The following GSS variants were observed in gnomAD, a reference collection of about 807,000 sequenced individuals.
GSS encodes the protein glutathione synthetase, also known as GSH synthetase.
In GSS, 34 loss-of-function variants were observed where a neutral mutation model predicts 60.4. The ratio of observed to expected loss-of-function variants is 0.56; its 90% CI spans 0.43 to 0.75. GSS has a LOEUF of 0.75. Ranked by LOEUF, GSS falls within the 30% of genes least tolerant of loss-of-function variation. The pLI, the probability that GSS is intolerant of heterozygous loss-of-function variation, is 0.00. For synonymous variants in GSS, 224 were observed against 239.0 expected (o/e 0.94, Z 0.58); for missense variants, 499 against 595.1 (o/e 0.84, Z 1.68).
chr20:34,949,315 T>C (rs2081547833), intron 2 of GSS: 1 of 152,136 alleles, frequency 6.6e-6, no homozygotes, highest in Non-Finnish European at 1.5e-5. Flanking sequence ...AAGTTCATAC[T>C]CCTCCTCCAC....
Position 34,951,793 on chromosome 20 carries a change from C to T in GSS, c.60G>A (p.Arg20=). Residue 20 remains arginine, a synonymous_variant, in exon 2 of 13, where the codon CGG becomes CGA. Coordinates refer to ENST00000651619, the MANE Select transcript of GSS (RefSeq NM_000178.4). ...CAGCCAGGGCCCGGTCCACGGCCTG[C>T]CGTGCCAGCTCCTCTAGCTGCTGTT... ...QDKQQLEELA[R]QAVDRALAEG... 6.2e-7 allele frequency: 1 copy of T among 1,614,056 alleles called. No individual in the cohort carries two copies. Among genetic ancestry groups the T allele is most frequent in the South Asian group, 1.1e-5 (1 of 91,030 alleles).
At chr20:34,955,889 C>G (rs2081626805), upstream of GSS, 1 of 152,292 alleles carries the variant, frequency 6.6e-6, no homozygotes, top group African/African-American at 2.4e-5. Context: ...TGAGTCGAGG[C>G]CAGGAAGGGG....
intron 2 of GSS, among the ~76,000 whole-genome samples, chr20:34,947,021 T>A (rs908490330): frequency 5.9e-5 from 9 of 152,196 alleles, no homozygotes; most frequent in African/African-American, 2.2e-4. Context: ...TGAGTTAATA[T>A]CAGTTTGTCA....
chr20:34,951,969 G>T, intron 1 of GSS, 109 bp from the exon 2 acceptor site: 2 of 1,110,430 alleles, frequency 1.8e-6, no homozygotes, highest in Non-Finnish European at 2.7e-6. Flanking sequence ...ACCTCTGTTG[G>T]AAGGGAACAG....
intron 1 of GSS, among the ~76,000 whole-genome samples, chr20:34,953,375 T>C (rs913129434): frequency 1.2e-4 from 19 of 152,098 alleles, no homozygotes; most frequent in Non-Finnish European, 2.6e-4. Flanking sequence ...AGAATGCGCA[T>C]GTGATCTCAA....
chr20:34,942,272 G>A (rs141127743), intron 5 of GSS, among the ~76,000 whole-genome samples: 3 of 152,296 alleles, frequency 2.0e-5, no homozygotes, highest in African/African-American at 7.2e-5. Flanking sequence ...GTACAATGGA[G>A]GGACAGGACT....
intron 3 of GSS, among the ~76,000 whole-genome samples, chr20:34,943,575 T>C (rs1246557109): frequency 6.6e-6 from 1 of 152,190 alleles, no homozygotes; most frequent in Non-Finnish European, 1.5e-5. Flanking sequence ...CTAAATATCC[T>C]GGGTTTTTTT....
At chr20:34,941,612 T>C in intron 6 of GSS, 101 bp downstream of exon 6, 9 of 766,316 alleles carry the variant, frequency 1.2e-5, no homozygotes, top group Non-Finnish European at 2.4e-6. Flanking sequence ...CCTAGAAAAA[T>C]CCCCTTATTC....
chr20:34,935,583 C>G lies in GSS; in HGVS notation c.827G>C (p.Ser276Thr), dbSNP rs1487588611. Residue 276 changes from serine to threonine, a missense_variant, in exon 9 of 13, where the codon AGT becomes ACT. By Grantham distance (58) the Ser-to-Thr change is moderately conservative. Transcript: ENST00000651619. ...CTCACAGAAAATACCAACCTGTAGA[C>G]TGTACTGACGAGGCATGTAGCCATC... ...FRDGYMPRQY[S>T]LQNWEARLLL... is the part of the protein sequence containing the mutation. 1 of 1,610,738 alleles carries G rather than the reference C, an allele frequency of 6.2e-7. No homozygotes were observed. Among genetic ancestry groups the G allele is most frequent in the Non-Finnish European group, 8.5e-7 (1 of 1,177,080 alleles).
At chr20:34,929,314 T>C (rs779868910) in intron 12 of GSS, 87 bp downstream of exon 12, 10 of 1,121,254 alleles carry the variant, frequency 8.9e-6, no homozygotes, top group African/African-American at 3.0e-5. Context: ...GATTCCTGAC[T>C]CTTTCCAGTG....
intron 6 of GSS, among the ~76,000 whole-genome samples, chr20:34,939,388 G>C (rs970381287): frequency 3.9e-5 from 6 of 152,106 alleles, no homozygotes; most frequent in Admixed American, 3.9e-4. Flanking sequence ...CATTTTGCAG[G>C]CTTCCATTTT....
chr20:34,938,402 C>A (rs1336419323), intron 6 of GSS, among the ~76,000 whole-genome samples: 1 of 152,176 alleles, frequency 6.6e-6, no homozygotes, highest in African/African-American at 2.4e-5. Context: ...TCCTGGTTTG[C>A]CTGAAATCTC....
At chr20:34,936,903 T>C (rs1600382120) in intron 7 of GSS, 40 bp downstream of exon 7, 5 of 1,605,502 alleles carry the variant, frequency 3.1e-6, no homozygotes, top group East Asian at 2.2e-5. Context: ...CCACCCCTAA[T>C]CCTGGAGCCA....
intron 9 of GSS, among the ~76,000 whole-genome samples, chr20:34,932,918 T>C (rs2081413655): frequency 6.6e-6 from 1 of 152,120 alleles, no homozygotes; most frequent in Non-Finnish European, 1.5e-5. Flanking sequence ...CAATCTTGGC[T>C]CACTGCAACT....
At chr20:34,940,343 C>T (rs192313501) in intron 6 of GSS, among the ~76,000 whole-genome samples, 6 of 152,358 alleles carry the variant, frequency 3.9e-5, no homozygotes, top group South Asian at 2.1e-4. Context: ...CCCCTGGCTT[C>T]ACTCTCTTAA....
At chr20:34,936,740 A>G (rs1221585740) in intron 8 of GSS, 23 bp downstream of exon 8, 1 of 1,546,646 alleles carries the variant, frequency 6.5e-7, no homozygotes, top group Non-Finnish European at 8.9e-7. Flanking sequence ...CCAGCCTTCC[A>G]CTGGATTCTT....
intron 1 of GSS, chr20:34,954,382 C>G (rs1056084581): frequency 6.6e-6 from 1 of 152,232 alleles, no homozygotes; most frequent in African/African-American, 2.4e-5. Context: ...TGGAGAAACC[C>G]CATCTCTACT....
At position 34,933,134 on chromosome 20, in the gene GSS, C is replaced by A. The variant is rs35095077; in HGVS notation, c.835-1001G>T. Among the ~76,000 whole-genome samples the A allele has an allele frequency of 4.1e-3, 617 of 152,300 alleles. 2 individuals are homozygous for A. The highest frequency in any genetic ancestry group is 0.014 in the African/African-American group (586 of 41,572). ...GTGCTGGGATTACAGGTACGAGCCA[C>A]AGTAAATGGCCATATTTTTGTTTAC... On this transcript the variant is annotated intron_variant, in intron 9 of 12. Transcript: ENST00000651619.
chr20:34,945,493 A>G (rs980805494), intron 3 of GSS, among the ~76,000 whole-genome samples: 1 of 151,964 alleles, frequency 6.6e-6, no homozygotes, highest in African/African-American at 2.4e-5. Flanking sequence ...ACCCCATCCC[A>G]TCCAAAGATG....
Sources: allele counts gnomAD v4.1 joint callset (sites outside exome capture counted in the v4.1 genomes callset), GRCh38; gene constraint gnomAD v4.1.1; transcripts MANE v1.5; gene names NCBI Gene and HGNC (gene_info 2026-07-23, HGNC 2026-07-21).